Variants in ESYT3 observed in about 807,000 individuals in gnomAD.
The protein encoded by ESYT3 is extended synaptotagmin-3.
A neutral mutation model predicts 111.5 loss-of-function variants in ESYT3; 101 were observed. The ratio of observed to expected loss-of-function variants is 0.91; its 90% CI spans 0.77 to 1.07. ESYT3 has a LOEUF of 1.07. ESYT3 is among the 50% of genes least tolerant of loss of function. ESYT3 has a pLI of 0.00. For synonymous variants in ESYT3, 416 were observed against 446.8 expected (o/e 0.93, Z 0.87); for missense variants, 1,097 against 1,109.4 (o/e 0.99, Z 0.16).
chr3:138,463,723 A>G (rs2032774291), intron 8 of ESYT3, among the ~76,000 whole-genome samples: 2 of 152,252 alleles, frequency 1.3e-5, no homozygotes, highest in Non-Finnish European at 2.9e-5. Context: ...GGAAGGAGAT[A>G]TATCTCAAAA....
intron 9 of ESYT3, 25 bp downstream of exon 9, chr3:138,464,540 A>G (rs1344345379): frequency 1.1e-5 from 17 of 1,613,130 alleles, no homozygotes; most frequent in Non-Finnish European, 1.4e-5. Context: ...GGCTGCTTCT[A>G]GCCTTCACTC....
Position 138,434,995 on chromosome 3 carries a change from C to T in ESYT3, c.197C>T (p.Ala66Val). 3 of 1,564,292 alleles carry T rather than the reference C, an allele frequency of 1.9e-6. No individual in the cohort carries two copies. The highest frequency in any genetic ancestry group is 2.6e-6 in the Non-Finnish European group (3 of 1,153,768). ...GLSITWLLLG[A>V]LLWMWWRRNR... ...AGCATAACCTGGTTGCTGCTCGGCGCCCTGCTGTGGATGTGGTGGCGCAGG... is the reference window on the plus strand; with the variant it reads ...AGCATAACCTGGTTGCTGCTCGGCGTCCTGCTGTGGATGTGGTGGCGCAGG... The change falls in exon 1 of 23, where the codon GCC (alanine) becomes GTC (valine). Residue 66 changes from alanine (A) to valine (V), a missense_variant. By Grantham distance (64) the Ala-to-Val change is moderately conservative (BLOSUM62 0). Coordinates refer to ENST00000389567, the MANE Select transcript of ESYT3 (RefSeq NM_031913.5).
Position 138,470,142 on chromosome 3 carries a change from T to G in ESYT3, c.1586T>G (p.Leu529Arg), listed in dbSNP as rs2033144476. The G allele has an allele frequency of 1.2e-6, 2 of 1,611,694 alleles. No individual in the cohort carries two copies. Among genetic ancestry groups the G allele is most frequent in the Non-Finnish European group, 1.7e-6 (2 of 1,178,416 alleles). ...VHNVATERLH[L>R]KVLDDDQECA... ...AATGTGGCCACTGAGCGGCTCCATC[T>G]GAAGGTTTGATGGAAGAAGGGCTCT... Residue 529 changes from leucine (L) to arginine (R), a missense_variant, in exon 16 of 23, where the codon CTG becomes CGG. Leu to Arg is a moderately radical substitution (Grantham distance 102). Transcript: ENST00000389567.
chr3:138,469,438 C>G lies in ESYT3; in HGVS notation c.1437C>G (p.Asn479Lys). 1 of 1,613,546 alleles carries G rather than the reference C, an allele frequency of 6.2e-7. No homozygotes were observed. The highest frequency in any genetic ancestry group is 1.1e-5 in the South Asian group (1 of 91,064). The change falls in exon 15 of 23, where the codon AAC (asparagine) becomes AAG (lysine). Residue 479 changes from asparagine (N) to lysine (K), a missense_variant and splice_region_variant. Coordinates refer to ENST00000389567, the MANE Select transcript of ESYT3 (RefSeq NM_031913.5). ...GTTATGGATTTGATTCCTCACAGAA[C>G]AAGGTCAGCAAAGACCCTTCTTCCT... is the stretch of plus-strand genomic sequence containing the variant. ...RAKKLSRFAR[N>K]KVSKDPSSYV...
intron 7 of ESYT3, among the ~76,000 whole-genome samples, chr3:138,461,876 G>A (rs561308717): frequency 2.6e-5 from 4 of 152,254 alleles, no homozygotes; most frequent in African/African-American, 7.2e-5. Flanking sequence ...GGGACGTGTA[G>A]GTGGGAGGAC....
In ESYT3 at chr3:138,462,082, C is replaced by T. The variant is rs1260363412; in HGVS notation, c.795-4C>T. 1 of 1,613,942 alleles carries T rather than the reference C, an allele frequency of 6.2e-7. No homozygotes were observed. The highest frequency in any genetic ancestry group is 1.3e-5 in the African/African-American group (1 of 74,916). On this transcript the variant is annotated splice_region_variant and splice_polypyrimidine_tract_variant and intron_variant, in intron 7 of 22. Transcript: ENST00000389567. Reference sequence around the variant, plus strand: ...CTCCACAGCTGGTCCTGCCTTGTGTCCAGTGATGTGTCAGACAGCTTACTG... The same window carrying T: ...CTCCACAGCTGGTCCTGCCTTGTGTTCAGTGATGTGTCAGACAGCTTACTG...
At chr3:138,469,932 G>A (rs1299811192) in intron 15 of ESYT3, 128 bp from the exon 16 acceptor site, 1 of 669,600 alleles carries the variant, frequency 1.5e-6, no homozygotes, top group South Asian at 1.9e-5. Context: ...AGCGTGTTTG[G>A]GTCTGATCCC....
rs57059093 is a variant in ESYT3 at position 138,463,192 on chromosome 3, T to C, written c.915+986T>C. ...TTACTGCAACCTCTGTCTCCTAGGT[T>C]CAAGTGATTCTCCAGCCTCAGCCTT... On this transcript the variant is annotated intron_variant, in intron 8 of 22. Transcript: ENST00000389567. Among the ~76,000 whole-genome samples the C allele has an allele frequency of 7.0e-3, 1,065 of 152,014 alleles. 13 individuals are homozygous for C. Among genetic ancestry groups the C allele is most frequent in the African/African-American group, 0.025 (1,027 of 41,430 alleles).
chr3:138,439,517 C>T (rs1310406668), intron 1 of ESYT3, among the ~76,000 whole-genome samples: 2 of 152,198 alleles, frequency 1.3e-5, no homozygotes, highest in African/African-American at 2.4e-5. Context: ...CTTTGCTTCC[C>T]TGCCCACCTC....
intron 3 of ESYT3, among the ~76,000 whole-genome samples, chr3:138,456,060 C>T (rs1178842289): frequency 6.6e-6 from 1 of 152,258 alleles, no homozygotes; most frequent in East Asian, 1.9e-4. Flanking sequence ...TATAGGCCAG[C>T]CTGCTGAGAG....
intron 16 of ESYT3, 86 bp downstream of exon 16, chr3:138,470,232 G>A: frequency 1.3e-6 from 2 of 1,506,182 alleles, no homozygotes; most frequent in East Asian, 2.5e-5. Context: ...CCTTGAGCAG[G>A]TTCTCCTGGC....
In ESYT3 at chr3:138,470,157, A is replaced by G. The variant is rs374668572; in HGVS notation, c.1590+11A>G. On this transcript the variant is annotated intron_variant, in intron 16 of 22. Coordinates refer to ENST00000389567, the MANE Select transcript of ESYT3 (RefSeq NM_031913.5). ...CGGCTCCATCTGAAGGTTTGATGGAAGAAGGGCTCTTGAAACAGAGTTAAG... is the reference window on the plus strand; with the variant it reads ...CGGCTCCATCTGAAGGTTTGATGGAGGAAGGGCTCTTGAAACAGAGTTAAG... The G allele has an allele frequency of 1.1e-5, 17 of 1,609,842 alleles. No homozygotes were observed. Among genetic ancestry groups the G allele is most frequent in the African/African-American group, 1.3e-5 (1 of 74,822 alleles).
In ESYT3 at chr3:138,471,039, G is replaced by A. The variant is rs767261983; in HGVS notation, c.1740+13G>A. 15 of 1,602,752 alleles carry A rather than the reference G, an allele frequency of 9.4e-6. No homozygotes were observed. The highest frequency in any genetic ancestry group is 5.5e-5 in the South Asian group (5 of 90,852). ...GCTGGTGCTTCGGGTAAATCTCTCC[G>A]GTCCCCTGGGGGAGGGGAGGAATAG... is the stretch of plus-strand genomic sequence containing the variant. On this transcript the variant is annotated intron_variant, in intron 17 of 22. Coordinates refer to ENST00000389567, the MANE Select transcript of ESYT3 (RefSeq NM_031913.5).
At position 138,468,751 on chromosome 3, in the gene ESYT3, C is replaced by T. The variant is rs149932645; in HGVS notation, c.1371+34C>T. 1.8e-4 allele frequency: 286 copies of T among 1,613,694 alleles called. No individual in the cohort carries two copies. The African/African-American group carries it at 2.7e-3, about 15-fold the overall frequency. On this transcript the variant is annotated intron_variant, in intron 13 of 22. Transcript: ENST00000389567. ...CGACATGTCCAGAGTGTCACACAAA[C>T]GCAACAAAGTGCCCATCACTTTCAA...
chr3:138,459,175 C>G lies in ESYT3; in HGVS notation c.582-12C>G. ...CCTCCTCCCCACCTTCCTTTTCCAC[C>G]CCCCATTTCAGCTACATCGGGGACT... On this transcript the variant is annotated splice_polypyrimidine_tract_variant and intron_variant, in intron 4 of 22. Transcript: ENST00000389567. The G allele has an allele frequency of 6.7e-7, 1 of 1,493,398 alleles. No homozygotes were observed. The highest frequency in any genetic ancestry group is 9.0e-7 in the Non-Finnish European group (1 of 1,109,868). The allele number at this position is 1,493,398 out of a possible 1,614,324, so 92.5% of individuals were successfully genotyped here.
At chr3:138,456,850 C>T (rs926321115) in intron 3 of ESYT3, among the ~76,000 whole-genome samples, 1 of 152,142 alleles carries the variant, frequency 6.6e-6, no homozygotes, top group African/African-American at 2.4e-5. Flanking sequence ...GCACTGCTGG[C>T]AAGCAATCCT....
chr3:138,473,633 A>G lies in ESYT3; in HGVS notation c.2335A>G (p.Arg779Gly), dbSNP rs1427958510. The stretch of plus-strand genomic sequence containing the variant: ...CCTCAGCGTGCTAATCAATGGCTGC[A>G]GGTAAAGGGATTCTAGGGCCAGGGA... Reference protein sequence around the residue: ...RCLSVLINGCRNLTPCTSSGA... With the variant: ...RCLSVLINGCGNLTPCTSSGA... The change falls in exon 19 of 23, where the codon AGA becomes GGA. Residue 779 changes from arginine to glycine, a missense_variant and splice_region_variant. Coordinates refer to ENST00000389567, the MANE Select transcript of ESYT3 (RefSeq NM_031913.5). The G allele has an allele frequency of 3.7e-6, 6 of 1,612,956 alleles. No homozygotes were observed. In the East Asian group the frequency reaches 6.7e-5, roughly 18 times the overall value.
chr3:138,454,600 A>C (rs530242827), intron 2 of ESYT3, among the ~76,000 whole-genome samples: 2 of 152,210 alleles, frequency 1.3e-5, no homozygotes, highest in East Asian at 3.9e-4. Context: ...CCCCAAACAG[A>C]AAGTACCTGC....
intron 12 of ESYT3, 128 bp from the exon 13 acceptor site, chr3:138,468,527 G>C: frequency 1.1e-6 from 1 of 895,222 alleles, no homozygotes; most frequent in Non-Finnish European, 1.8e-6. Context: ...GTTGTGAGAG[G>C]TCCTCCGGCA....
Sources: gnomAD v4.1 joint callset for allele counts (sites outside exome capture counted in the v4.1 genomes callset) on GRCh38, gnomAD v4.1.1 for gene constraint, MANE v1.5 for transcripts, NCBI Gene and HGNC (gene_info 2026-07-23, HGNC 2026-07-21) for gene names.